NAPG: variants seen among roughly 807,000 people sequenced by gnomAD.
NAPG encodes gamma-soluble NSF attachment protein.
NAPG carries 25 observed loss-of-function variants against 48.4 expected under a neutral mutation model. The ratio of observed to expected loss-of-function variants is 0.52; its 90% CI spans 0.38 to 0.72. NAPG has a LOEUF of 0.72. NAPG is among the 30% of genes least tolerant of loss of function. NAPG has a pLI of 0.00. For missense variants in NAPG, 359 were observed against 372.5 expected (o/e 0.96, Z 0.30); for synonymous variants, 139 against 127.2 (o/e 1.09, Z -0.62).
In NAPG at chr18:10,546,319, G is replaced by C; in HGVS notation, c.507-7G>C. The C allele has an allele frequency of 6.4e-7, 1 of 1,556,952 alleles. No individual in the cohort carries two copies. The highest frequency in any genetic ancestry group is 8.7e-7 in the Non-Finnish European group (1 of 1,144,966). ...TGCTTTTTTTACATTTCTGTGTTTT[G>C]TTTTAGGTTTGATGAGGCGGCACTC... On this transcript the variant is annotated splice_region_variant and splice_polypyrimidine_tract_variant and intron_variant, in intron 8 of 11. Transcript: ENST00000322897. The surrounding 1 kb of genome is among the most constrained non-coding windows in gnomAD (Gnocchi z 4.0).
rs1319752822 is a variant in NAPG, at chr18:10,539,618, A to T, written c.259-144A>T. 2 of 666,120 alleles carry T rather than the reference A, an allele frequency of 3.0e-6. No individual in the cohort carries two copies. The highest frequency in any genetic ancestry group is 1.9e-5 in the South Asian group (1 of 53,386). 41.3% of individuals were successfully genotyped at this position (666,120 alleles called of 1,614,324 possible). A position where few individuals can be genotyped will look rare whatever the true frequency, so the allele number is the denominator to read the frequency against. On this transcript the variant is annotated intron_variant, in intron 5 of 11. Transcript: ENST00000322897. This position sits in a 1 kb window ranked among gnomAD's most constrained non-coding sequence, Gnocchi z 4.7. ...TAGGTATAGCAAACCACCATGGGAC[A>T]TGTATACCTATGTAACAAACCTGCA...
chr18:10,534,651 A>G lies in NAPG; in HGVS notation c.258+155A>G, dbSNP rs889324148. ...GTCCACGGTAACGTTAATTGGACCC[A>G]TAGAATACATTCTGTACGTCTTAAG... On this transcript the variant is annotated intron_variant, in intron 5 of 11. Coordinates refer to ENST00000322897, the MANE Select transcript of NAPG (RefSeq NM_003826.3). This position sits in a 1 kb window ranked among gnomAD's most constrained non-coding sequence, Gnocchi z 5.0. 6.6e-6 allele frequency among the ~76,000 whole-genome samples: 1 copy of G among 152,238 alleles called. No individual in the cohort carries two copies. The highest frequency in any genetic ancestry group is 2.4e-5 in the African/African-American group (1 of 41,458).
rs763448366 is a variant in NAPG at position 10,534,726 on chromosome 18, A to C, written c.258+230A>C. On this transcript the variant is annotated intron_variant, in intron 5 of 11. Coordinates refer to ENST00000322897, the MANE Select transcript of NAPG (RefSeq NM_003826.3). The surrounding 1 kb of genome is among the most constrained non-coding windows in gnomAD (Gnocchi z 5.0). ...GAAAATGTATTGGAGTGAACTGGGA[A>C]CACTAATGTTCTAAGCTCTATAACC... is the stretch of plus-strand genomic sequence containing the variant. Among the ~76,000 whole-genome samples the C allele has an allele frequency of 6.6e-6, 1 of 152,214 alleles. No homozygotes were observed. Among genetic ancestry groups the C allele is most frequent in the Non-Finnish European group, 1.5e-5 (1 of 68,032 alleles).
chr18:10,547,573 A>G (rs1333779729), intron 9 of NAPG, among the ~76,000 whole-genome samples: 1 of 152,240 alleles, frequency 6.6e-6, no homozygotes, highest in African/African-American at 2.4e-5. Flanking sequence ...TATAGAAACT[A>G]TAAAAATGAA....
intron 8 of NAPG, among the ~76,000 whole-genome samples, chr18:10,541,617 C>T (rs1402239434): frequency 6.6e-6 from 1 of 152,176 alleles, no homozygotes; most frequent in African/African-American, 2.4e-5. Context: ...CTTTTCAGGG[C>T]AGCTAGGAGG....
intron 1 of NAPG, among the ~76,000 whole-genome samples, chr18:10,527,037 A>T (rs1567886210): frequency 6.6e-6 from 1 of 151,810 alleles, no homozygotes; most frequent in South Asian, 2.1e-4. Flanking sequence ...AAATACAAAA[A>T]ATTAGCCGGG....
Position 10,543,504 on chromosome 18 carries a change from T to C in NAPG, c.507-2822T>C, listed in dbSNP as rs1252337883. Among the ~76,000 whole-genome samples the C allele has an allele frequency of 6.6e-6, 1 of 152,208 alleles. No individual in the cohort carries two copies. The highest frequency in any genetic ancestry group is 1.5e-5 in the Non-Finnish European group (1 of 68,038). On this transcript the variant is annotated intron_variant, in intron 8 of 11. Transcript: ENST00000322897. This position sits in a 1 kb window ranked among gnomAD's most constrained non-coding sequence, Gnocchi z 4.4. ...ATGATAATAAACTTAGCTGGGAATA[T>C]GACACATAAACTAAACATTTCTGTA...
At position 10,544,560 on chromosome 18, in the gene NAPG, T is replaced by C. The variant is rs923038219; in HGVS notation, c.507-1766T>C. On this transcript the variant is annotated intron_variant, in intron 8 of 11. Transcript: ENST00000322897. The surrounding 1 kb of genome is among the most constrained non-coding windows in gnomAD (Gnocchi z 5.1). ...ATTGGTGGTTCACAGCATGGCAGTT[T>C]GCTGCTAATTCGAGACATCAGGAGT... Among the ~76,000 whole-genome samples, 1 of 152,234 alleles carries C rather than the reference T, an allele frequency of 6.6e-6. No individual in the cohort carries two copies. Among genetic ancestry groups the C allele is most frequent in the East Asian group, 1.9e-4 (1 of 5,194 alleles).
chr18:10,531,236 G>T, intron 2 of NAPG, among the ~76,000 whole-genome samples: 1 of 152,040 alleles, frequency 6.6e-6, no homozygotes, highest in East Asian at 1.9e-4. Flanking sequence ...AACCTGATAC[G>T]CAAATCATAT....
intron 1 of NAPG, among the ~76,000 whole-genome samples, chr18:10,529,386 G>A (rs1014862677): frequency 2.6e-5 from 4 of 152,130 alleles, no homozygotes; most frequent in Non-Finnish European, 5.9e-5. Context: ...ATTTTAATTT[G>A]AATCTTGTAA....
At chr18:10,536,956 G>GTTTTTTTTTTTTTT (rs374078930) in intron 5 of NAPG, among the ~76,000 whole-genome samples, 1 of 142,328 alleles carries the variant, frequency 7.0e-6, no homozygotes. Context: ...CTAATAGCCT[G>GTTTTTTTTTTTTTT]TTTTTGTTTT....
At chr18:10,527,261 A>G (rs149453752) in intron 1 of NAPG, among the ~76,000 whole-genome samples, 84 of 151,774 alleles carry the variant, frequency 5.5e-4, no homozygotes, top group African/African-American at 2.0e-3. Flanking sequence ...ACATAATTTC[A>G]TAAGCTGAGA....
Position 10,546,413 on chromosome 18 carries a change from T to C in NAPG, c.585+9T>C. The C allele has an allele frequency of 6.8e-7, 1 of 1,475,054 alleles. No homozygotes were observed. The highest frequency in any genetic ancestry group is 9.2e-7 in the Non-Finnish European group (1 of 1,081,796). 91.4% of individuals were successfully genotyped at this position (1,475,054 alleles called of 1,614,324 possible). A position where few individuals can be genotyped will look rare whatever the true frequency, so the allele number is the denominator to read the frequency against. On this transcript the variant is annotated intron_variant, in intron 9 of 11. Transcript: ENST00000322897. This position sits in a 1 kb window ranked among gnomAD's most constrained non-coding sequence, Gnocchi z 4.0. ...ATCCAACTTGTTATAAGGTATTCTT[T>C]GAAAGTGTTTGTTTTTGGTATTACA...
intron 1 of NAPG, 103 bp from the exon 2 acceptor site, chr18:10,530,667 C>CA (rs2031910798): frequency 2.2e-6 from 1 of 461,278 alleles, no homozygotes. Flanking sequence ...ATGGTTTCTC[C>CA]TTTTTTTTTT....
intron 1 of NAPG, 85 bp downstream of exon 1, chr18:10,526,243 A>C: frequency 1.3e-5 from 4 of 316,618 alleles, no homozygotes; most frequent in East Asian, 8.0e-5. Flanking sequence ...GGGGGGCGGG[A>C]GGGAGGGCTC....
At chr18:10,527,369 G>A (rs991258130) in intron 1 of NAPG, among the ~76,000 whole-genome samples, 1 of 152,150 alleles carries the variant, frequency 6.6e-6, no homozygotes. Flanking sequence ...CTGCACAGGT[G>A]AAAGATCGCA....
chr18:10,534,568 T>G lies in NAPG; in HGVS notation c.258+72T>G. On this transcript the variant is annotated intron_variant, in intron 5 of 11. Coordinates refer to ENST00000322897, the MANE Select transcript of NAPG (RefSeq NM_003826.3). The surrounding 1 kb of genome is among the most constrained non-coding windows in gnomAD (Gnocchi z 5.0). ...CTACAAGGTGTTAAACAAGAATTTT[T>G]GTTGAAGTTGAAAAGCTTCCTTACT... 6.8e-7 allele frequency: 1 copy of G among 1,477,958 alleles called. No individual in the cohort carries two copies. The highest frequency in any genetic ancestry group is 9.4e-7 in the Non-Finnish European group (1 of 1,058,736). The allele number at this position is 1,477,958 out of a possible 1,614,324, so 91.6% of individuals were successfully genotyped here. A position where few individuals can be genotyped will look rare whatever the true frequency, so the allele number is the denominator to read the frequency against.
chr18:10,541,291 A>G (rs2032152061), intron 8 of NAPG, among the ~76,000 whole-genome samples: 1 of 152,208 alleles, frequency 6.6e-6, no homozygotes, highest in Non-Finnish European at 1.5e-5. Context: ...TAAATGGAAT[A>G]GAAATTTCAT....
intron 5 of NAPG, among the ~76,000 whole-genome samples, chr18:10,537,463 G>A (rs1434060799): frequency 1.3e-5 from 2 of 152,144 alleles, no homozygotes; most frequent in East Asian, 3.9e-4. Context: ...TAGTCTTCAC[G>A]TTTGGGCTGA....
Sources: allele counts gnomAD v4.1 joint callset (sites outside exome capture counted in the v4.1 genomes callset), GRCh38; gene constraint gnomAD v4.1.1; non-coding constraint Gnocchi (gnomAD v3.1); transcripts MANE v1.5; gene names NCBI Gene and HGNC (gene_info 2026-07-23, HGNC 2026-07-21).